VWA8: variants seen among roughly 807,000 people sequenced by gnomAD.
The protein encoded by VWA8 is von Willebrand factor A domain-containing protein 8.
Under a neutral mutation model 241.5 loss-of-function variants are expected in VWA8, and 221 were observed. That is an observed-to-expected ratio of 0.91 (90% CI 0.82 to 1.02). The LOEUF (loss-of-function observed/expected upper bound fraction) is 1.02, where lower values mean the gene tolerates loss of function less well. Ranked by LOEUF, VWA8 falls within the 50% of genes least tolerant of loss-of-function variation. The pLI, the probability that VWA8 is intolerant of heterozygous loss-of-function variation, is 0.00. For synonymous variants in VWA8, 852 were observed against 827.1 expected, an observed-to-expected ratio of 1.03 and a Z score of -0.52; for missense variants, 2,322 against 2,328.7, an observed-to-expected ratio of 1.00 and a Z score of 0.06.
chr13:41,941,900 C>T (rs944289613), intron 2 of VWA8, among the ~76,000 whole-genome samples: 16 of 152,182 alleles, frequency 1.1e-4, no homozygotes, highest in African/African-American at 3.4e-4. Flanking sequence ...AAATTTTAAA[C>T]ATTAATTTCC....
At chr13:41,760,172 T>G (rs560843340) in intron 21 of VWA8, among the ~76,000 whole-genome samples, 1 of 151,760 alleles carries the variant, frequency 6.6e-6, no homozygotes, top group Non-Finnish European at 1.5e-5. Flanking sequence ...TAGTTTTTCT[T>G]TTCCTAGTGT....
chr13:41,632,425 A>G (rs1261241134), intron 37 of VWA8, among the ~76,000 whole-genome samples: 1 of 152,192 alleles, frequency 6.6e-6, no homozygotes, highest in East Asian at 1.9e-4. Context: ...GGGGGATTTA[A>G]TATGACCCAG....
intron 39 of VWA8, among the ~76,000 whole-genome samples, chr13:41,609,310 AC>A (rs1402593604): frequency 6.6e-6 from 1 of 152,220 alleles, no homozygotes; most frequent in Non-Finnish European, 1.5e-5. Flanking sequence ...AAGTGGCAAA[AC>A]CGTTTTAAAA....
intron 12 of VWA8, among the ~76,000 whole-genome samples, chr13:41,838,919 C>T (rs997325533): frequency 1.3e-5 from 2 of 152,100 alleles, no homozygotes; most frequent in African/African-American, 4.8e-5. Context: ...GGGTTGCTTC[C>T]AAGTCTTTGC....
At chr13:41,746,667 T>C (rs186879454) in intron 21 of VWA8, among the ~76,000 whole-genome samples, 3 of 152,318 alleles carry the variant, frequency 2.0e-5, no homozygotes, top group African/African-American at 7.2e-5. Context: ...GGAGGTGTGA[T>C]TGAGCATCAA....
intron 26 of VWA8, among the ~76,000 whole-genome samples, chr13:41,711,115 A>G (rs532540672): frequency 5.9e-5 from 9 of 152,302 alleles, no homozygotes; most frequent in African/African-American, 2.2e-4. Flanking sequence ...TGAAAACACA[A>G]TCTCAGCTAC....
At chr13:41,627,964 C>T (rs1377054462) in intron 37 of VWA8, among the ~76,000 whole-genome samples, 3 of 152,292 alleles carry the variant, frequency 2.0e-5, no homozygotes, top group African/African-American at 4.8e-5. Context: ...CCGATTCACA[C>T]TTTAGCTATA....
chr13:41,740,472 G>A (rs561943687), intron 21 of VWA8, among the ~76,000 whole-genome samples: 3 of 152,286 alleles, frequency 2.0e-5, no homozygotes, highest in African/African-American at 7.2e-5. Flanking sequence ...AACTGAAGAC[G>A]GCTATCGCTG....
intron 12 of VWA8, among the ~76,000 whole-genome samples, chr13:41,851,489 CA>C (rs769025492): frequency 7.9e-5 from 12 of 152,146 alleles, no homozygotes; most frequent in Non-Finnish European, 1.2e-4. Flanking sequence ...GGGAGGGACC[CA>C]GGGGGAAGTA....
intron 38 of VWA8, among the ~76,000 whole-genome samples, chr13:41,613,505 T>C (rs1426957732): frequency 6.6e-6 from 1 of 152,188 alleles, no homozygotes; most frequent in Non-Finnish European, 1.5e-5. Context: ...GAAAGCTTCC[T>C]AGGTGCTGAG....
At chr13:41,783,143 T>C (rs1444914210) in intron 19 of VWA8, among the ~76,000 whole-genome samples, 1 of 149,732 alleles carries the variant, frequency 6.7e-6, no homozygotes, top group Non-Finnish European at 1.5e-5. Flanking sequence ...AAAAATTGCA[T>C]ATAAAATTAC....
rs535067965 is a variant in VWA8 at position 41,749,121 on chromosome 13, C to CTAA, written c.2426+12004_2426+12006dup. Among the ~76,000 whole-genome samples, 19 of 152,074 alleles carry CTAA rather than the reference C, an allele frequency of 1.2e-4. No individual in the cohort carries two copies. In the South Asian group the frequency reaches 3.5e-3, roughly 28 times the overall value. ...TGCAATCTACTCATCTGACAAAGGGCTAATATCCAGAATCTACAAAGAACT... is the reference window on the plus strand; with the variant it reads ...TGCAATCTACTCATCTGACAAAGGGCTAATAATATCCAGAATCTACAAAGAACT... On this transcript the variant is annotated intron_variant, in intron 21 of 44. Coordinates refer to ENST00000379310, the MANE Select transcript of VWA8 (RefSeq NM_015058.2).
At chr13:41,871,697 G>C (rs61963096) in intron 9 of VWA8, among the ~76,000 whole-genome samples, 1 of 152,162 alleles carries the variant, frequency 6.6e-6, no homozygotes, top group East Asian at 1.9e-4. Context: ...TCTTAATCCA[G>C]TCTATCGTTG....
chr13:41,613,371 A>G (rs1455753693), intron 38 of VWA8, among the ~76,000 whole-genome samples: 1 of 152,210 alleles, frequency 6.6e-6, no homozygotes, highest in Non-Finnish European at 1.5e-5. Flanking sequence ...TGGCCAGCCA[A>G]TAGGCAGAGG....
intron 15 of VWA8, among the ~76,000 whole-genome samples, chr13:41,817,163 G>A (rs571704061): frequency 6.6e-6 from 1 of 152,244 alleles, no homozygotes; most frequent in African/African-American, 2.4e-5. Context: ...ATTAGGTGTT[G>A]TCTTACTGAA....
intron 38 of VWA8, among the ~76,000 whole-genome samples, chr13:41,612,986 G>A (rs1177208372): frequency 1.3e-5 from 2 of 152,028 alleles, no homozygotes; most frequent in African/African-American, 2.4e-5. Context: ...GCCATATAAT[G>A]GACTGCTTTT....
At chr13:41,832,947 A>G (rs377515742) in intron 13 of VWA8, among the ~76,000 whole-genome samples, 6 of 118,806 alleles carry the variant, frequency 5.1e-5, no homozygotes, top group African/African-American at 2.4e-4. Flanking sequence ...TCTCTCTCTC[A>G]AAAAAAAAAG....
chr13:41,574,310 C>G (rs2139634634), intron 43 of VWA8, among the ~76,000 whole-genome samples: 1 of 152,148 alleles, frequency 6.6e-6, no homozygotes, highest in African/African-American at 2.4e-5. Flanking sequence ...ATCAAGAACT[C>G]AATCTCTTTT....
chr13:41,610,969 C>A (rs537020426), intron 39 of VWA8, among the ~76,000 whole-genome samples: 1 of 152,190 alleles, frequency 6.6e-6, no homozygotes, highest in Admixed American at 6.5e-5. Context: ...CACTGTCCCT[C>A]CTCCCGAGCT....
Sources: allele counts gnomAD v4.1 joint callset (sites outside exome capture counted in the v4.1 genomes callset), GRCh38; gene constraint gnomAD v4.1.1; transcripts MANE v1.5; gene names NCBI Gene and HGNC (gene_info 2026-07-23, HGNC 2026-07-21).